Variants in TMC1 observed in about 807,000 individuals in gnomAD.
TMC1 encodes the protein transmembrane channel like 1.
TMC1 carries 84 observed loss-of-function variants against 105.8 expected under a neutral mutation model. The ratio of observed to expected loss-of-function variants is 0.79; its 90% CI spans 0.67 to 0.95. TMC1 has a LOEUF of 0.95. Among genes scored for constraint, TMC1 ranks in the 40% least tolerant of loss-of-function variants. The probability of loss-of-function intolerance (pLI) is 0.00; values close to 1 mark genes in which losing one functional copy is unlikely to be tolerated. For synonymous variants in TMC1, 315 were observed against 311.5 expected (o/e 1.01, Z -0.12); for missense variants, 817 against 914.1 (o/e 0.89, Z 1.37).
At chr9:72,738,004 G>A (rs568032947) in intron 8 of TMC1, among the ~76,000 whole-genome samples, 1 of 152,248 alleles carries the variant, frequency 6.6e-6, no homozygotes, top group South Asian at 2.1e-4. Flanking sequence ...TTGCTTTCAA[G>A]CATTAATTAT....
chr9:72,791,381 A>G (rs1470713726), intron 15 of TMC1, among the ~76,000 whole-genome samples: 1 of 152,158 alleles, frequency 6.6e-6, no homozygotes, highest in Non-Finnish European at 1.5e-5. Context: ...TTCGGCCTTA[A>G]AAGTTTACAT....
At chr9:72,790,944 T>C (rs1015807661) in intron 15 of TMC1, among the ~76,000 whole-genome samples, 2 of 152,150 alleles carry the variant, frequency 1.3e-5, no homozygotes, top group African/African-American at 4.8e-5. Flanking sequence ...TTATAATTAT[T>C]CACACCACGA....
At chr9:72,550,233 C>T (rs1341401622) in intron 1 of TMC1, among the ~76,000 whole-genome samples, 1 of 151,440 alleles carries the variant, frequency 6.6e-6, no homozygotes, top group Non-Finnish European at 1.5e-5. Context: ...TTTGGGAAGC[C>T]GAGGCAGGCG....
intron 8 of TMC1, among the ~76,000 whole-genome samples, chr9:72,735,859 C>T (rs896525246): frequency 6.6e-6 from 1 of 152,154 alleles, no homozygotes; most frequent in Non-Finnish European, 1.5e-5. Context: ...GGTCCACCTT[C>T]TGCCCCCTGG....
rs561207896 is a variant in TMC1, at chr9:72,826,889, A to G, written c.2024A>G (p.Glu675Gly). 6.2e-7 allele frequency: 1 copy of G among 1,614,050 alleles called. No individual in the cohort carries two copies. Among genetic ancestry groups the G allele is most frequent in the South Asian group, 1.1e-5 (1 of 91,072 alleles). The change falls in exon 21 of 24, where the codon GAA becomes GGA. Residue 675 changes from glutamate (E) to glycine (G), a missense_variant. By Grantham distance (98) the Glu-to-Gly change is moderately conservative. Coordinates refer to ENST00000297784, the MANE Select transcript of TMC1 (RefSeq NM_138691.3). The part of the protein sequence containing the change: ...GPFSGKNRMF[E>G]VIGETLEHDF... ...CCCAGTGGCAAAAATAGAATGTTTG[A>G]AGTCATTGGAGAGACCCTGGAGCAC...
intron 23 of TMC1, among the ~76,000 whole-genome samples, chr9:72,831,285 CT>C (rs1829037326): frequency 6.6e-6 from 1 of 152,164 alleles, no homozygotes; most frequent in East Asian, 1.9e-4. Context: ...TTACTCCTAA[CT>C]TTAAAACTCT....
At chr9:72,749,282 T>C (rs2118047281) in intron 10 of TMC1, among the ~76,000 whole-genome samples, 1 of 152,328 alleles carries the variant, frequency 6.6e-6, no homozygotes, top group African/African-American at 2.4e-5. Flanking sequence ...TAGTATCCTA[T>C]ATGCGGGATT....
chr9:72,760,166 G>T (rs975717063), intron 12 of TMC1, among the ~76,000 whole-genome samples: 8 of 151,646 alleles, frequency 5.3e-5, no homozygotes, highest in African/African-American at 1.9e-4. Flanking sequence ...TGCTTTGGTT[G>T]GTTAGCAAAG....
chr9:72,556,411 C>T lies in TMC1; in HGVS notation c.-427-21491C>T, dbSNP rs116482606. ...GGATTACAGGCGTGAGTCACTGTGCCTGGCTTACTTGTGAAATTAAAGCTT... is the reference window on the plus strand; with the variant it reads ...GGATTACAGGCGTGAGTCACTGTGCTTGGCTTACTTGTGAAATTAAAGCTT... On this transcript the variant is annotated intron_variant, in intron 1 of 23. Coordinates refer to ENST00000297784, the MANE Select transcript of TMC1 (RefSeq NM_138691.3). Among the ~76,000 whole-genome samples, 778 of 152,114 alleles carry T rather than the reference C, an allele frequency of 5.1e-3. 4 individuals are homozygous for T. Among genetic ancestry groups the T allele is most frequent in the African/African-American group, 0.018 (735 of 41,510 alleles).
intron 1 of TMC1, among the ~76,000 whole-genome samples, chr9:72,529,198 A>G (rs1823456132): frequency 1.3e-5 from 2 of 152,042 alleles, no homozygotes; most frequent in South Asian, 2.1e-4. Context: ...CCATTCCTCC[A>G]TGAATACCAA....
chr9:72,734,315 G>A (rs1045328459), intron 8 of TMC1, among the ~76,000 whole-genome samples: 7 of 152,272 alleles, frequency 4.6e-5, no homozygotes, highest in South Asian at 2.1e-4. Context: ...TATTTGCCAT[G>A]GACTAAGCTA....
At chr9:72,567,248 T>C (rs1476271126) in intron 1 of TMC1, among the ~76,000 whole-genome samples, 1 of 152,244 alleles carries the variant, frequency 6.6e-6, no homozygotes, top group Non-Finnish European at 1.5e-5. Context: ...GTAGGGTTTA[T>C]CACGGTCTCG....
intron 20 of TMC1, among the ~76,000 whole-genome samples, chr9:72,821,283 C>G (rs1022763595): frequency 6.6e-6 from 1 of 152,160 alleles, no homozygotes; most frequent in African/African-American, 2.4e-5. Flanking sequence ...TACCTGAGGT[C>G]AGGAGTTCGA....
chr9:72,572,865 G>A (rs1824311041), intron 1 of TMC1, among the ~76,000 whole-genome samples: 1 of 151,904 alleles, frequency 6.6e-6, no homozygotes, highest in South Asian at 2.1e-4. Context: ...GGTGGTGGGT[G>A]CTTGTAATAC....
chr9:72,609,014 A>G (rs1030220182), intron 2 of TMC1, among the ~76,000 whole-genome samples: 3 of 152,020 alleles, frequency 2.0e-5, no homozygotes, highest in Admixed American at 6.6e-5. Flanking sequence ...AGTACCTGCT[A>G]TCTCTGATCT....
At chr9:72,639,719 G>A (rs1825592987) in intron 4 of TMC1, among the ~76,000 whole-genome samples, 1 of 152,044 alleles carries the variant, frequency 6.6e-6, no homozygotes, top group Admixed American at 6.6e-5. Flanking sequence ...ATACATTAAA[G>A]GAACTCTAAC....
intron 1 of TMC1, among the ~76,000 whole-genome samples, chr9:72,552,395 T>C (rs149782345): frequency 2.0e-5 from 3 of 152,238 alleles, no homozygotes; most frequent in African/African-American, 7.2e-5. Flanking sequence ...ATTAAAGACC[T>C]GTGGAAAACT....
rs1164391147 is a variant in TMC1 at position 72,753,021 on chromosome 9, G to A, written c.642+1065G>A. On this transcript the variant is annotated intron_variant, in intron 11 of 23. Coordinates refer to ENST00000297784, the MANE Select transcript of TMC1 (RefSeq NM_138691.3). ...GTAAATGGAGTCACATAATGCTGAT[G>A]TGACTTAGCTAACATCTTGGAATAT... is the stretch of plus-strand genomic sequence containing the variant. Among the ~76,000 whole-genome samples the A allele has an allele frequency of 4.6e-5, 7 of 152,184 alleles. No individual in the cohort carries two copies. The East Asian group carries it at 1.3e-3, about 29-fold the overall frequency.
At chr9:72,651,797 T>C (rs1251023282) in intron 5 of TMC1, among the ~76,000 whole-genome samples, 1 of 152,046 alleles carries the variant, frequency 6.6e-6, no homozygotes, top group African/African-American at 2.4e-5. Context: ...AGGGAACAGG[T>C]GGTGTTTGGT....
Sources: allele counts gnomAD v4.1 joint callset (sites outside exome capture counted in the v4.1 genomes callset), GRCh38; gene constraint gnomAD v4.1.1; transcripts MANE v1.5; gene names NCBI Gene and HGNC (gene_info 2026-07-23, HGNC 2026-07-21).